The following TRIT1 variants were observed in gnomAD, a reference collection of about 807,000 sequenced individuals.
TRIT1 encodes the protein tRNA dimethylallyltransferase.
A neutral mutation model predicts 51.2 loss-of-function variants in TRIT1; 43 were observed. The observed-to-expected ratio is 0.84, with a 90% CI of 0.66 to 1.08. The LOEUF (loss-of-function observed/expected upper bound fraction) is 1.08, where lower values mean the gene tolerates loss of function less well. TRIT1 is among the 50% of genes least tolerant of loss of function. The pLI is 0.00. For synonymous variants in TRIT1, 184 were observed against 203.9 expected, an observed-to-expected ratio of 0.90 and a Z score of 0.83; for missense variants, 528 against 578.4, an observed-to-expected ratio of 0.91 and a Z score of 0.89.
In TRIT1 at chr1:39,841,111, AAGAC is replaced by A. The variant is rs1641871963; in HGVS notation, c.*629_*632del. ...AAATATAGATTTGTAACTCAATAGA[AAGAC>A]AGCAGTGATAATAACTCACACATGA... On this transcript the variant is annotated 3_prime_UTR_variant, in exon 11 of 11. Transcript: ENST00000316891. The A allele has an allele frequency of 6.6e-6, 1 of 152,218 alleles. No homozygotes were observed. The highest frequency in any genetic ancestry group is 6.5e-5 in the Admixed American group (1 of 15,274). 9.4% of individuals were successfully genotyped at this position (152,218 alleles called of 1,614,324 possible).
intron 5 of TRIT1, 55 bp downstream of exon 5, chr1:39,850,064 C>T: frequency 4.4e-6 from 7 of 1,595,312 alleles, no homozygotes; most frequent in Non-Finnish European, 5.1e-6. Context: ...TATACAGTAA[C>T]TTATTACTCC....
chr1:39,877,386 G>A (rs1214334972), intron 1 of TRIT1, among the ~76,000 whole-genome samples: 1 of 148,330 alleles, frequency 6.7e-6, no homozygotes, highest in Non-Finnish European at 1.5e-5. Flanking sequence ...ATGACGAGAT[G>A]ACACATATTC....
chr1:39,865,686 AAAAAG>A (rs1557566289), intron 1 of TRIT1, among the ~76,000 whole-genome samples: 1 of 147,724 alleles, frequency 6.8e-6, no homozygotes, highest in South Asian at 2.1e-4. Flanking sequence ...AAAAAAAAAA[AAAAAG>A]AAAAGAAAAT....
chr1:39,852,650 T>C, intron 4 of TRIT1, 81 bp downstream of exon 4: 1 of 1,522,652 alleles, frequency 6.6e-7, no homozygotes, highest in Non-Finnish European at 8.9e-7. Context: ...ACCAAATCTC[T>C]CTCATCATCT....
At chr1:39,851,840 C>T (rs1642591777) in intron 4 of TRIT1, among the ~76,000 whole-genome samples, 1 of 151,290 alleles carries the variant, frequency 6.6e-6, no homozygotes, top group Non-Finnish European at 1.5e-5. Flanking sequence ...CCCAGCTACT[C>T]AGGAGGCCGA....
intron 2 of TRIT1, among the ~76,000 whole-genome samples, chr1:39,855,853 A>C (rs538744749): frequency 6.6e-6 from 1 of 152,324 alleles, no homozygotes; most frequent in East Asian, 1.9e-4. Flanking sequence ...TTTGGGCCTC[A>C]GTATCTAGTA....
chr1:39,876,691 C>A (rs537180374), intron 1 of TRIT1, among the ~76,000 whole-genome samples: 221 of 151,996 alleles, frequency 1.5e-3, no homozygotes, highest in African/African-American at 5.2e-3. Flanking sequence ...CTTTGAGAGG[C>A]CGAGGCTGGC....
At chr1:39,883,027 A>G (rs1003551305) in intron 1 of TRIT1, among the ~76,000 whole-genome samples, 1 of 152,204 alleles carries the variant, frequency 6.6e-6, no homozygotes, top group Non-Finnish European at 1.5e-5. Context: ...CTTATTCGCT[A>G]TGTGACATGG....
intron 8 of TRIT1, 144 bp downstream of exon 8, chr1:39,847,076 C>T (rs1306193253): frequency 3.0e-5 from 17 of 576,056 alleles, no homozygotes; most frequent in Admixed American, 2.7e-4. Context: ...CCTGGATAAT[C>T]ATTTATGTTA....
At chr1:39,873,740 C>T (rs1420567497) in intron 1 of TRIT1, among the ~76,000 whole-genome samples, 4 of 152,060 alleles carry the variant, frequency 2.6e-5, no homozygotes, top group East Asian at 3.9e-4. Flanking sequence ...ACAACTATTT[C>T]GGGCCAGGCA....
intron 1 of TRIT1, among the ~76,000 whole-genome samples, chr1:39,864,663 C>G (rs1013190168): frequency 6.6e-6 from 1 of 151,918 alleles, no homozygotes; most frequent in Non-Finnish European, 1.5e-5. Context: ...TGAGAAACCC[C>G]GATCTAAAGA....
rs74353966 is a variant in TRIT1, at chr1:39,844,854, A to G, written c.1007-214T>C. ...GTAAGACTAGCTACATAATCTGGAT[A>G]CATGGGTGCAGGATCTTCCAGATCA... On this transcript the variant is annotated intron_variant, in intron 8 of 10. Coordinates refer to ENST00000316891, the MANE Select transcript of TRIT1 (RefSeq NM_017646.6). 3.9e-5 allele frequency among the ~76,000 whole-genome samples: 6 copies of G among 152,392 alleles called. No individual in the cohort carries two copies. The East Asian group carries it at 1.2e-3, about 29-fold the overall frequency.
intron 10 of TRIT1, among the ~76,000 whole-genome samples, chr1:39,843,579 T>TA (rs1642049663): frequency 6.6e-6 from 1 of 152,214 alleles, no homozygotes; most frequent in African/African-American, 2.4e-5. Context: ...AACTTCTTTT[T>TA]ATCACAGTTT....
At chr1:39,847,904 C>A in intron 6 of TRIT1, 82 bp downstream of exon 6, 1 of 1,419,836 alleles carries the variant, frequency 7.0e-7, no homozygotes, top group South Asian at 1.2e-5. Context: ...AACAAGTAGA[C>A]CCAAAGCCAG....
chr1:39,882,574 A>C (rs1445170849), intron 1 of TRIT1, among the ~76,000 whole-genome samples: 1 of 152,250 alleles, frequency 6.6e-6, no homozygotes, highest in East Asian at 1.9e-4. Context: ...GAAGAAGAGG[A>C]CAAAGCCCCT....
chr1:39,847,306 TAC>T lies in TRIT1; in HGVS notation c.929-11_929-10del. The T allele has an allele frequency of 6.2e-7, 1 of 1,612,768 alleles. No individual in the cohort carries two copies. Among genetic ancestry groups the T allele is most frequent in the Non-Finnish European group, 8.5e-7 (1 of 1,178,746 alleles). On this transcript the variant is annotated splice_polypyrimidine_tract_variant and intron_variant, in intron 7 of 10. Coordinates refer to ENST00000316891, the MANE Select transcript of TRIT1 (RefSeq NM_017646.6). ...TTTCAGAGCCTCAATACCTGAAAGA[TAC>T]AGTAGATTTAAGAACATCTAGGTAA...
At chr1:39,874,751 C>T (rs1282607942) in intron 1 of TRIT1, among the ~76,000 whole-genome samples, 3 of 151,742 alleles carry the variant, frequency 2.0e-5, no homozygotes, top group South Asian at 2.1e-4. Context: ...CTGCAACCTC[C>T]GCCTCCTGGG....
intron 1 of TRIT1, chr1:39,862,799 G>A: frequency 2.0e-6 from 2 of 985,356 alleles, no homozygotes; most frequent in Non-Finnish European, 2.4e-6. Flanking sequence ...CTATTTTTCA[G>A]CTTCAATTAC....
At chr1:39,880,545 A>G (rs1405929888) in intron 1 of TRIT1, among the ~76,000 whole-genome samples, 1 of 152,166 alleles carries the variant, frequency 6.6e-6, no homozygotes, top group Non-Finnish European at 1.5e-5. Flanking sequence ...TCATGCCTGG[A>G]ATCCCAGCAC....
Sources: allele counts gnomAD v4.1 joint callset (sites outside exome capture counted in the v4.1 genomes callset), GRCh38; gene constraint gnomAD v4.1.1; transcripts MANE v1.5; gene names NCBI Gene and HGNC (gene_info 2026-07-23, HGNC 2026-07-21).